Variants in SLC5A4 observed in about 807,000 individuals in gnomAD.
SLC5A4 encodes probable glucose sensor protein SLC5A4.
SLC5A4 carries 55 observed loss-of-function variants against 70.3 expected under a neutral mutation model. That is an observed-to-expected ratio of 0.78 (90% CI 0.63 to 0.98). The LOEUF is 0.98. Ranked by LOEUF, SLC5A4 falls within the 50% of genes least tolerant of loss-of-function variation. The pLI, the probability that SLC5A4 is intolerant of heterozygous loss-of-function variation, is 0.00. For synonymous variants in SLC5A4, 268 were observed against 305.7 expected, an observed-to-expected ratio of 0.88 and a Z score of 1.29; for missense variants, 735 against 839.2, an observed-to-expected ratio of 0.88 and a Z score of 1.53.
At chr22:32,320,522 C>A in the SLC5A4 span, among the ~76,000 whole-genome samples, 1 of 152,192 alleles carries the variant, frequency 6.6e-6, no homozygotes, top group Non-Finnish European at 1.5e-5. Flanking sequence ...CATGCAGAGA[C>A]CAGGCAGGCT....
At chr22:32,349,938 C>A in the SLC5A4 span, among the ~76,000 whole-genome samples, 5 of 152,170 alleles carry the variant, frequency 3.3e-5, no homozygotes, top group Non-Finnish European at 2.9e-5. Context: ...ACCTTCTTAT[C>A]CGCAACTTTC....
chr22:32,308,537 C>T, the SLC5A4 span, among the ~76,000 whole-genome samples: 1 of 152,210 alleles, frequency 6.6e-6, no homozygotes, highest in Admixed American at 6.5e-5. Flanking sequence ...TTTGGGATGA[C>T]GGTTAACTGG....
At chr22:32,260,509 A>C in the SLC5A4 span, among the ~76,000 whole-genome samples, 2 of 113,042 alleles carry the variant, frequency 1.8e-5, no homozygotes, top group East Asian at 2.3e-4. Flanking sequence ...TTTTGGTGAC[A>C]AAAAAAAAAA....
chr22:32,330,297 G>A, the SLC5A4 span, among the ~76,000 whole-genome samples: 6 of 29,624 alleles, frequency 2.0e-4, no homozygotes, highest in East Asian at 4.7e-3. Context: ...ATATGTTGGG[G>A]GCTCTGTTGG....
At chr22:32,272,097 A>G in the SLC5A4 span, 1 of 655,744 alleles carries the variant, frequency 1.5e-6, no homozygotes, top group Non-Finnish European at 2.8e-6. Context: ...GGAGCTTGTG[A>G]CCAGCACGAA....
chr22:32,232,486 A>G (rs540299047), intron 9 of SLC5A4, among the ~76,000 whole-genome samples: 1 of 152,290 alleles, frequency 6.6e-6, no homozygotes, highest in Admixed American at 6.5e-5. Context: ...AGCACTGAAA[A>G]TTGATTCAGT....
At chr22:32,354,372 C>A in the SLC5A4 span, among the ~76,000 whole-genome samples, 7 of 151,576 alleles carry the variant, frequency 4.6e-5, no homozygotes, top group South Asian at 1.5e-3. Flanking sequence ...CCAGATAGTG[C>A]TGCCAACCTG....
chr22:32,272,490 C>T, the SLC5A4 span: 1 of 721,596 alleles, frequency 1.4e-6, no homozygotes, highest in Admixed American at 2.0e-5. Flanking sequence ...TCATGAAGAG[C>T]ATCTGGCTGC....
At chr22:32,265,732 C>T in the SLC5A4 span, among the ~76,000 whole-genome samples, 4 of 151,476 alleles carry the variant, frequency 2.6e-5, no homozygotes, top group African/African-American at 2.4e-5. Context: ...TCCAGCTTTG[C>T]GGGAGGGAGA....
intron 11 of SLC5A4, among the ~76,000 whole-genome samples, chr22:32,228,667 C>T (rs1351523134): frequency 1.3e-5 from 2 of 152,150 alleles, no homozygotes; most frequent in Non-Finnish European, 2.9e-5. Flanking sequence ...CTTCAAGGCC[C>T]CCAGGCTGCT....
chr22:32,338,525 C>T, the SLC5A4 span, among the ~76,000 whole-genome samples: 260 of 152,154 alleles, frequency 1.7e-3, 1 homozygote, highest in African/African-American at 5.3e-3. Flanking sequence ...ATTAGCCAGG[C>T]GTGGTGGTGG....
chr22:32,352,862 T>C, the SLC5A4 span, among the ~76,000 whole-genome samples: 1 of 152,232 alleles, frequency 6.6e-6, no homozygotes, highest in Non-Finnish European at 1.5e-5. Flanking sequence ...TCAGTTTTCA[T>C]TGCCGCCCTC....
At chr22:32,325,098 G>A in the SLC5A4 span, among the ~76,000 whole-genome samples, 1 of 152,178 alleles carries the variant, frequency 6.6e-6, no homozygotes, top group Non-Finnish European at 1.5e-5. Flanking sequence ...TGCCAGTCCC[G>A]TAGACCCCGA....
the SLC5A4 span, among the ~76,000 whole-genome samples, chr22:32,347,563 G>A: frequency 6.6e-6 from 1 of 151,958 alleles, no homozygotes; most frequent in African/African-American, 2.4e-5. Context: ...TAGGGACATG[G>A]ATGAAGCCGG....
the SLC5A4 span, among the ~76,000 whole-genome samples, chr22:32,274,286 C>T: frequency 2.1e-4 from 32 of 152,188 alleles, no homozygotes; most frequent in African/African-American, 7.5e-4. Flanking sequence ...GTGCTCCTCC[C>T]GCCTCAGCCT....
chr22:32,342,421 T>C, the SLC5A4 span, among the ~76,000 whole-genome samples: 2 of 152,044 alleles, frequency 1.3e-5, no homozygotes, highest in Non-Finnish European at 2.9e-5. Flanking sequence ...TGAGACCTGG[T>C]AGATATAACT....
At chr22:32,327,692 C>G in the SLC5A4 span, among the ~76,000 whole-genome samples, 2 of 152,146 alleles carry the variant, frequency 1.3e-5, no homozygotes, top group African/African-American at 4.8e-5. Context: ...ACTCACCTTC[C>G]CATCCCCTGC....
intron 11 of SLC5A4, among the ~76,000 whole-genome samples, chr22:32,228,269 G>A (rs1314355995): frequency 6.6e-6 from 1 of 152,112 alleles, no homozygotes; most frequent in Non-Finnish European, 1.5e-5. Flanking sequence ...CCAGGCCGGC[G>A]GTGGCTCACA....
chr22:32,235,184 G>C, intron 7 of SLC5A4, 91 bp from the exon 8 acceptor site: 1 of 877,344 alleles, frequency 1.1e-6, no homozygotes, highest in South Asian at 1.5e-5. Context: ...AGGTAAACAA[G>C]CACCTCCCAT....
Sources: allele counts gnomAD v4.1 joint callset (sites outside exome capture counted in the v4.1 genomes callset), GRCh38; gene constraint gnomAD v4.1.1; transcripts MANE v1.5; gene names NCBI Gene and HGNC (gene_info 2026-07-23, HGNC 2026-07-21).